Variants in GFOD1 observed in about 807,000 individuals in gnomAD.
GFOD1 encodes Gfo/Idh/MocA-like oxidoreductase domain containing 1, also known as glucose-fructose oxidoreductase domain-containing protein 1.
Under a neutral mutation model 25.4 loss-of-function variants are expected in GFOD1, and 9 were observed. That is an observed-to-expected ratio of 0.35 (90% CI 0.21 to 0.62). The LOEUF (loss-of-function observed/expected upper bound fraction) is 0.62. GFOD1 is among the 20% of genes least tolerant of loss of function. The pLI is 0.72. For synonymous variants in GFOD1, 253 were observed against 245.6 expected (o/e 1.03, Z -0.28); for missense variants, 403 against 556.9 (o/e 0.72, Z 2.78).
chr6:13,360,506 C>T lies in GFOD1; in HGVS notation c.*4237G>A, dbSNP rs559937096. Reference sequence around the variant, plus strand: ...GACATTTTCCTACGTTATATTCAGACCCCCAAGAGCAAATTCCAAGGCCAT... The same window carrying T: ...GACATTTTCCTACGTTATATTCAGATCCCCAAGAGCAAATTCCAAGGCCAT... On this transcript the variant is annotated 3_prime_UTR_variant, in exon 2 of 2. Transcript: ENST00000379287. 4 of 355,590 alleles carry T rather than the reference C, an allele frequency of 1.1e-5. No homozygotes were observed. The highest frequency in any genetic ancestry group is 1.7e-5 in the Non-Finnish European group (3 of 179,020). 22.0% of individuals were successfully genotyped at this position (355,590 alleles called of 1,614,324 possible).
At chr6:13,400,152 T>C (rs1263581856) in intron 1 of GFOD1, among the ~76,000 whole-genome samples, 1 of 152,122 alleles carries the variant, frequency 6.6e-6, no homozygotes, top group Non-Finnish European at 1.5e-5. Flanking sequence ...ATAGACATAG[T>C]GCAGGCCAAT....
chr6:13,454,483 C>T (rs150936286), intron 1 of GFOD1, among the ~76,000 whole-genome samples: 24 of 152,254 alleles, frequency 1.6e-4, no homozygotes, highest in African/African-American at 5.3e-4. Flanking sequence ...GACATTAATG[C>T]GGCTTCCAAC....
intron 1 of GFOD1, among the ~76,000 whole-genome samples, chr6:13,473,899 G>C (rs1758560821): frequency 6.6e-6 from 1 of 152,104 alleles, no homozygotes; most frequent in South Asian, 2.1e-4. Context: ...GTGCACCCGG[G>C]ACGAGTGGGG....
rs146165287 is a variant in GFOD1, at chr6:13,390,810, A to G, written c.254-25148T>C. 1.1e-3 allele frequency among the ~76,000 whole-genome samples: 173 copies of G among 151,348 alleles called. 1 individual carries two copies. The highest frequency in any genetic ancestry group is 3.8e-3 in the African/African-American group (157 of 41,056). The stretch of plus-strand genomic sequence containing the variant: ...AAGGAAGGAAGGAAGGAAGGAAGGA[A>G]GGAAGGAAGGAAGGAAGGATAATAA... On this transcript the variant is annotated intron_variant, in intron 1 of 1. Transcript: ENST00000379287.
intron 1 of GFOD1, among the ~76,000 whole-genome samples, chr6:13,427,180 A>C (rs181126422): frequency 5.1e-4 from 77 of 152,298 alleles, no homozygotes; most frequent in Non-Finnish European, 6.9e-4. Context: ...AGGATCATAC[A>C]GAGTCTTCCC....
At chr6:13,412,370 C>T (rs887481375) in intron 1 of GFOD1, among the ~76,000 whole-genome samples, 132 of 152,252 alleles carry the variant, frequency 8.7e-4, no homozygotes, top group Middle Eastern at 3.4e-3. Context: ...TACAAGGCAA[C>T]GAGAAAGGCC....
chr6:13,366,685 G>T (rs1340747454), intron 1 of GFOD1, among the ~76,000 whole-genome samples: 2 of 151,092 alleles, frequency 1.3e-5, no homozygotes, highest in African/African-American at 4.9e-5. Flanking sequence ...TAAGAGACAG[G>T]GGTCTCCTTA....
rs1233644726 is a variant in GFOD1, at chr6:13,364,797, G to T, written c.1119C>A (p.Pro373=). 6.2e-7 allele frequency: 1 copy of T among 1,613,814 alleles called. No individual in the cohort carries two copies. The highest frequency in any genetic ancestry group is 1.3e-5 in the African/African-American group (1 of 74,922). Residue 373 remains proline, a synonymous_variant, in exon 2 of 2, where the codon CCC becomes CCA. Transcript: ENST00000379287. This position sits in a 1 kb window ranked among gnomAD's most constrained non-coding sequence, Gnocchi z 4.1. ...GCATGGCCTCGCTGATCAGGTAGGC[G>T]GGGCTCAGCTCCGGCTCCTCGGTCA... ...AIMTEEPELS[P]AYLISEAMRR... is the part of the protein sequence containing the mutation.
chr6:13,445,006 C>T (rs995327600), intron 1 of GFOD1, among the ~76,000 whole-genome samples: 1 of 152,158 alleles, frequency 6.6e-6, no homozygotes, highest in Non-Finnish European at 1.5e-5. Flanking sequence ...AAATGAATCC[C>T]CTTCTAAAGG....
chr6:13,381,929 A>ATG (rs1348406197), intron 1 of GFOD1, among the ~76,000 whole-genome samples: 3 of 143,862 alleles, frequency 2.1e-5, no homozygotes, highest in East Asian at 1.9e-4. Context: ...ACACACACAC[A>ATG]CACACACACA....
intron 1 of GFOD1, among the ~76,000 whole-genome samples, chr6:13,470,952 A>T (rs911284830): frequency 2.0e-5 from 3 of 151,370 alleles, no homozygotes; most frequent in African/African-American, 7.4e-5. Flanking sequence ...CATTAATGGG[A>T]CTCGAAAGAA....
intron 1 of GFOD1, among the ~76,000 whole-genome samples, chr6:13,413,435 G>A (rs1269297527): frequency 2.0e-5 from 3 of 152,170 alleles, no homozygotes; most frequent in African/African-American, 7.2e-5. Flanking sequence ...TCATCAAAAG[G>A]ATAATCAAAA....
At chr6:13,386,485 T>C (rs1584618972) in intron 1 of GFOD1, among the ~76,000 whole-genome samples, 1 of 152,182 alleles carries the variant, frequency 6.6e-6, no homozygotes. Flanking sequence ...TCAGCAGAAG[T>C]GCCACTTGCC....
intron 1 of GFOD1, among the ~76,000 whole-genome samples, chr6:13,450,579 G>C (rs1758079464): frequency 6.6e-6 from 1 of 152,178 alleles, no homozygotes; most frequent in Admixed American, 6.5e-5. Flanking sequence ...GATCACACTG[G>C]ACGTGCTTAA....
chr6:13,468,230 T>C (rs758816963), intron 1 of GFOD1, among the ~76,000 whole-genome samples: 6 of 152,190 alleles, frequency 3.9e-5, no homozygotes, highest in Non-Finnish European at 8.8e-5. Context: ...GCTATCATCA[T>C]AATATACAAA....
intron 1 of GFOD1, among the ~76,000 whole-genome samples, chr6:13,408,967 C>T (rs556542659): frequency 6.6e-6 from 1 of 151,818 alleles, no homozygotes; most frequent in East Asian, 1.9e-4. Context: ...TGCCTGTAAT[C>T]CCAAGTACTT....
chr6:13,415,902 A>T (rs565500843), intron 1 of GFOD1, among the ~76,000 whole-genome samples: 1 of 152,356 alleles, frequency 6.6e-6, no homozygotes, highest in African/African-American at 2.4e-5. Flanking sequence ...ACACAGTGGT[A>T]ACAGACAAAC....
chr6:13,444,233 T>C (rs1010718479), intron 1 of GFOD1, among the ~76,000 whole-genome samples: 2 of 152,178 alleles, frequency 1.3e-5, no homozygotes, highest in African/African-American at 4.8e-5. Context: ...CTGGAGGCTA[T>C]TATCCTTAGC....
chr6:13,390,891 T>G (rs537297852), intron 1 of GFOD1, among the ~76,000 whole-genome samples: 1 of 152,284 alleles, frequency 6.6e-6, no homozygotes. Flanking sequence ...GCATGCAAGC[T>G]ACTTAGCACA....
Sources: gnomAD v4.1 joint callset for allele counts (sites outside exome capture counted in the v4.1 genomes callset) on GRCh38, gnomAD v4.1.1 for gene constraint, Gnocchi (gnomAD v3.1) non-coding constraint, MANE v1.5 for transcripts, NCBI Gene and HGNC (gene_info 2026-07-23, HGNC 2026-07-21) for gene names.